The following PDE10A variants were observed in gnomAD, a reference collection of about 807,000 sequenced individuals.
The protein encoded by PDE10A is cAMP and cAMP-inhibited cGMP 3',5'-cyclic phosphodiesterase 10A.
In PDE10A, 39 loss-of-function variants were observed where a neutral mutation model predicts 97.7. The ratio of observed to expected loss-of-function variants is 0.40; its 90% CI spans 0.31 to 0.52. PDE10A has a LOEUF of 0.52. Among genes scored for constraint, PDE10A ranks in the 20% least tolerant of loss-of-function variants. PDE10A has a pLI of 0.56. For missense variants in PDE10A, 731 were observed against 1,047.8 expected, an observed-to-expected ratio of 0.70 and a Z score of 4.17; for synonymous variants, 371 against 376.8, an observed-to-expected ratio of 0.98 and a Z score of 0.18.
intron 1 of PDE10A, among the ~76,000 whole-genome samples, chr6:165,764,907 C>T (rs539876704): frequency 6.6e-6 from 1 of 152,136 alleles, no homozygotes; most frequent in Non-Finnish European, 1.5e-5. Context: ...TTGGTAGAGC[C>T]GAGTGGTCTG....
intron 1 of PDE10A, among the ~76,000 whole-genome samples, chr6:165,931,142 A>T (rs1783121125): frequency 6.6e-6 from 1 of 152,140 alleles, no homozygotes; most frequent in South Asian, 2.1e-4. Context: ...GTCTCCTTCC[A>T]TTCTTCAGGC....
chr6:165,622,802 A>T (rs3008029), intron 1 of PDE10A, among the ~76,000 whole-genome samples: 2,762 of 152,246 alleles, frequency 0.018, 73 homozygotes, highest in African/African-American at 0.063. Flanking sequence ...CCTTTGACAG[A>T]GTTTGGAAAT....
intron 1 of PDE10A, among the ~76,000 whole-genome samples, chr6:165,621,112 T>C (rs1788109999): frequency 6.6e-6 from 1 of 151,998 alleles, no homozygotes; most frequent in Admixed American, 6.5e-5. Context: ...TCTACATGTA[T>C]TGTCCTGAGT....
chr6:165,555,966 T>C (rs1583531849), intron 1 of PDE10A, among the ~76,000 whole-genome samples: 1 of 152,182 alleles, frequency 6.6e-6, no homozygotes, highest in South Asian at 2.1e-4. Context: ...GGAAAAAATT[T>C]TGGAGATTTT....
intron 1 of PDE10A, among the ~76,000 whole-genome samples, chr6:165,975,508 G>A (rs1347598209): frequency 6.6e-6 from 1 of 152,118 alleles, no homozygotes; most frequent in Non-Finnish European, 1.5e-5. Flanking sequence ...AAGTTTAAGA[G>A]CACTTAACAT....
chr6:165,431,646 A>G (rs893112288), intron 7 of PDE10A, among the ~76,000 whole-genome samples, 174 bp from the exon 8 acceptor site: 9 of 148,270 alleles, frequency 6.1e-5, no homozygotes, highest in Non-Finnish European at 1.3e-4. Context: ...ACACACACAC[A>G]CTACTTGTAG....
intron 1 of PDE10A, among the ~76,000 whole-genome samples, chr6:165,675,742 C>T (rs1005702652): frequency 6.6e-6 from 1 of 152,154 alleles, no homozygotes. Flanking sequence ...CTACTACGCA[C>T]CAGGATTCTG....
At chr6:165,514,462 C>A (rs895342055) in intron 2 of PDE10A, among the ~76,000 whole-genome samples, 2 of 152,132 alleles carry the variant, frequency 1.3e-5, no homozygotes, top group Admixed American at 6.5e-5. Flanking sequence ...AGTGTGTAAA[C>A]CTGCTTGGTT....
intron 1 of PDE10A, among the ~76,000 whole-genome samples, chr6:165,874,775 C>T (rs904192792): frequency 6.6e-6 from 1 of 152,142 alleles, no homozygotes; most frequent in Non-Finnish European, 1.5e-5. Context: ...TGTCCCATAT[C>T]CAGTATGGCG....
chr6:165,836,093 T>G (rs978744814), intron 1 of PDE10A, among the ~76,000 whole-genome samples: 1 of 152,154 alleles, frequency 6.6e-6, no homozygotes, highest in Non-Finnish European at 1.5e-5. Flanking sequence ...GTCCAAAGCC[T>G]CCGTCTTCTG....
Position 165,418,746 on chromosome 6 carries a change from C to T in PDE10A, c.1685G>A (p.Arg562His). ...ATGGTCCACCTGGAAAAGCGCACAA[C>T]GATCGGCATTCACCAGGTTTTTTGC... Reference protein sequence around the residue: ...IYAKNLVNADRCALFQVDHKN... With the variant: ...IYAKNLVNADHCALFQVDHKN... The change falls in exon 11 of 22, where the codon CGT (arginine) becomes CAT (histidine). Residue 562 changes from arginine (R) to histidine (H), a missense_variant. Arg to His is a conservative substitution (Grantham distance 29). Coordinates refer to ENST00000539869, the MANE Select transcript of PDE10A (RefSeq NM_001385079.1). The surrounding 1 kb of genome is among the most constrained non-coding windows in gnomAD (Gnocchi z 4.8). 3.1e-6 allele frequency: 5 copies of T among 1,613,588 alleles called. No individual in the cohort carries two copies. Among genetic ancestry groups the T allele is most frequent in the African/African-American group, 1.3e-5 (1 of 74,994 alleles).
At chr6:165,471,782 G>A (rs56258954) in intron 3 of PDE10A, among the ~76,000 whole-genome samples, 4,981 of 152,104 alleles carry the variant, frequency 0.033, 272 homozygotes, top group African/African-American at 0.11. Context: ...CCACCAGCCT[G>A]GTCCAATTTC....
intron 5 of PDE10A, among the ~76,000 whole-genome samples, chr6:165,438,920 C>T (rs455014): frequency 0.2 from 30,645 of 149,568 alleles, 3,345 homozygotes; most frequent in Admixed American, 0.28. Flanking sequence ...ATTGTGCCAC[C>T]GTACTCCAGC....
At chr6:165,592,177 T>C (rs1219155549) in intron 1 of PDE10A, among the ~76,000 whole-genome samples, 2 of 152,158 alleles carry the variant, frequency 1.3e-5, no homozygotes, top group South Asian at 2.1e-4. Context: ...ATCTGATCTT[T>C]GACAAACCTG....
At chr6:165,878,224 C>T (rs1231189595) in intron 1 of PDE10A, among the ~76,000 whole-genome samples, 1 of 152,186 alleles carries the variant, frequency 6.6e-6, no homozygotes, top group Non-Finnish European at 1.5e-5. Context: ...CTTATATGAA[C>T]AGCAAGAAGC....
At chr6:165,917,951 C>T (rs1185862600) in intron 1 of PDE10A, among the ~76,000 whole-genome samples, 1 of 152,198 alleles carries the variant, frequency 6.6e-6, no homozygotes, top group African/African-American at 2.4e-5. Context: ...GCCACTGGCG[C>T]GCTGTCTTAT....
rs139047139 is a variant in PDE10A, at chr6:165,508,700, A to G, written c.995-26357T>C. ...CCACATCCTTGACAACCCTTGCTAT[A>G]GTAACTGGGTTTAATTTTAGCCACT... is the stretch of plus-strand genomic sequence containing the variant. On this transcript the variant is annotated intron_variant, in intron 2 of 21. Coordinates refer to ENST00000539869, the MANE Select transcript of PDE10A (RefSeq NM_001385079.1). Among the ~76,000 whole-genome samples the G allele has an allele frequency of 7.0e-3, 1,067 of 152,062 alleles. 3 individuals carry two copies. The highest frequency in any genetic ancestry group is 0.01 in the Middle Eastern group (3 of 294).
chr6:165,406,147 T>C lies in PDE10A; in HGVS notation c.2076+7354A>G, dbSNP rs76156668. Among the ~76,000 whole-genome samples, 209 of 151,790 alleles carry C rather than the reference T, an allele frequency of 1.4e-3. 2 individuals are homozygous for C. In the East Asian group the frequency reaches 0.037, roughly 27 times the overall value. ...GAGAAGTATTAAACTTTTATTTTCA[T>C]GTAACCCCAAAAATAATTCAGTTTA... On this transcript the variant is annotated intron_variant, in intron 13 of 21. Transcript: ENST00000539869.
rs188857121 is a variant in PDE10A at position 165,689,619 on chromosome 6, C to T, written c.-614-146051G>A. Among the ~76,000 whole-genome samples the T allele has an allele frequency of 3.4e-3, 516 of 152,266 alleles. 2 individuals are homozygous for T. Among genetic ancestry groups the T allele is most frequent in the Non-Finnish European group, 5.6e-3 (382 of 68,020 alleles). ...CACCTTCCTCCCCTTCCCTCTTTCT[C>T]CCTCTCTCACTATGCGATGCACCAG... On this transcript the variant is annotated intron_variant, in intron 1 of 19. Transcript: ENST00000366882.
Sources: allele counts gnomAD v4.1 joint callset (sites outside exome capture counted in the v4.1 genomes callset), GRCh38; gene constraint gnomAD v4.1.1; non-coding constraint Gnocchi (gnomAD v3.1); transcripts MANE v1.5; gene names NCBI Gene and HGNC (gene_info 2026-07-23, HGNC 2026-07-21).